The following NKAIN2 variants were observed in gnomAD, a reference collection of about 807,000 sequenced individuals.
NKAIN2 encodes the protein sodium/potassium transporting ATPase interacting 2.
A neutral mutation model predicts 32.6 loss-of-function variants in NKAIN2; 14 were observed. The observed-to-expected ratio is 0.43, with a 90% CI of 0.28 to 0.67. NKAIN2 has a LOEUF of 0.67. Among genes scored for constraint, NKAIN2 ranks in the 30% least tolerant of loss-of-function variants. The pLI is 0.17. For missense variants in NKAIN2, 198 were observed against 258.3 expected, an observed-to-expected ratio of 0.77 and a Z score of 1.60; for synonymous variants, 80 against 87.2, an observed-to-expected ratio of 0.92 and a Z score of 0.46.
At chr6:124,001,898 GTTAA>G (rs1180359209) in intron 1 of NKAIN2, among the ~76,000 whole-genome samples, 24 of 150,032 alleles carry the variant, frequency 1.6e-4, no homozygotes, top group Non-Finnish European at 2.8e-4. Context: ...TTTGCCATGC[GTTAA>G]TTATCATAAT....
At chr6:124,000,528 A>T (rs1282332577) in intron 1 of NKAIN2, among the ~76,000 whole-genome samples, 1 of 152,130 alleles carries the variant, frequency 6.6e-6, no homozygotes, top group African/African-American at 2.4e-5. Flanking sequence ...TATAAATTTC[A>T]TGAAGCCGGA....
intron 1 of NKAIN2, among the ~76,000 whole-genome samples, chr6:124,168,172 A>C (rs1490191358): frequency 1.3e-5 from 2 of 152,162 alleles, no homozygotes; most frequent in Admixed American, 6.6e-5. Context: ...GCACAAGTTC[A>C]TATTACATCA....
At chr6:124,405,207 T>G (rs1583197000) in intron 3 of NKAIN2, among the ~76,000 whole-genome samples, 1 of 152,200 alleles carries the variant, frequency 6.6e-6, no homozygotes, top group South Asian at 2.1e-4. Flanking sequence ...ACTAAGTTTT[T>G]GCAAATATGT....
At chr6:124,656,776 A>T (rs1481881394) in intron 3 of NKAIN2, among the ~76,000 whole-genome samples, 1 of 152,130 alleles carries the variant, frequency 6.6e-6, no homozygotes, top group African/African-American at 2.4e-5. Context: ...ATGACAGCCC[A>T]CATCTGCTAC....
At chr6:124,247,895 A>G (rs1054378075) in intron 1 of NKAIN2, among the ~76,000 whole-genome samples, 4 of 152,052 alleles carry the variant, frequency 2.6e-5, no homozygotes, top group Admixed American at 6.6e-5. Context: ...TATACCATTA[A>G]TTGTATTTAA....
chr6:124,765,645 C>T (rs546511422), intron 4 of NKAIN2, among the ~76,000 whole-genome samples: 3 of 152,326 alleles, frequency 2.0e-5, no homozygotes, highest in African/African-American at 7.2e-5. Context: ...AGAATAAGAA[C>T]ATGCACAAGC....
intron 1 of NKAIN2, among the ~76,000 whole-genome samples, chr6:123,855,478 C>T (rs1582658450): frequency 6.6e-6 from 1 of 150,554 alleles, no homozygotes; most frequent in South Asian, 2.1e-4. Flanking sequence ...GCAAATTGAC[C>T]CAGAAGTGAT....
chr6:124,472,506 AC>A (rs1365264109), intron 3 of NKAIN2, among the ~76,000 whole-genome samples: 1 of 152,070 alleles, frequency 6.6e-6, no homozygotes, highest in African/African-American at 2.4e-5. Flanking sequence ...CACACATAGA[AC>A]AAGAGCATCT....
At chr6:124,629,267 A>G (rs1019907077) in intron 3 of NKAIN2, among the ~76,000 whole-genome samples, 3 of 152,300 alleles carry the variant, frequency 2.0e-5, no homozygotes, top group Non-Finnish European at 4.4e-5. Context: ...GAAGTGAACC[A>G]GGACAGTCCT....
intron 3 of NKAIN2, among the ~76,000 whole-genome samples, chr6:124,587,394 A>AT (rs1781749639): frequency 6.6e-6 from 1 of 151,678 alleles, no homozygotes; most frequent in Non-Finnish European, 1.5e-5. Flanking sequence ...TAATTTTTGT[A>AT]TTTTTAGTAG....
chr6:124,448,798 T>G (rs1286675336), intron 3 of NKAIN2, among the ~76,000 whole-genome samples: 1 of 152,146 alleles, frequency 6.6e-6, no homozygotes, highest in Non-Finnish European at 1.5e-5. Context: ...AAATGTCAGC[T>G]AATTCTGCCT....
At chr6:123,879,505 C>G (rs55758898) in intron 1 of NKAIN2, among the ~76,000 whole-genome samples, 3,442 of 152,208 alleles carry the variant, frequency 0.023, 127 homozygotes, top group African/African-American at 0.078. Flanking sequence ...AATTAGTGCT[C>G]CAGGTTATTG....
At chr6:124,210,459 G>T (rs965044897) in intron 1 of NKAIN2, among the ~76,000 whole-genome samples, 3 of 151,532 alleles carry the variant, frequency 2.0e-5, no homozygotes, top group African/African-American at 7.3e-5. Flanking sequence ...TTCTATTTCT[G>T]TGAAGAATGT....
chr6:124,647,485 C>T (rs150534983), intron 3 of NKAIN2, among the ~76,000 whole-genome samples: 1,161 of 108,368 alleles, frequency 0.011, 25 homozygotes, highest in African/African-American at 0.041. Flanking sequence ...GGCGACAGAG[C>T]GAGACTCTGT....
chr6:124,714,574 C>A (rs9375362), intron 4 of NKAIN2, among the ~76,000 whole-genome samples: 64,114 of 151,988 alleles, frequency 0.42, 13,736 homozygotes, highest in African/African-American at 0.46. Context: ...CTACTTATTA[C>A]GGGCTACACA....
chr6:123,981,750 C>T (rs144072623), intron 1 of NKAIN2, among the ~76,000 whole-genome samples: 2 of 151,902 alleles, frequency 1.3e-5, no homozygotes, highest in African/African-American at 2.4e-5. Context: ...GAGAGAGCAC[C>T]GAATTCAATG....
Position 124,116,232 on chromosome 6 carries a change from C to T in NKAIN2, c.55-166773C>T, listed in dbSNP as rs143513056. Among the ~76,000 whole-genome samples, 800 of 152,096 alleles carry T rather than the reference C, an allele frequency of 5.3e-3. 4 individuals carry two copies. The highest frequency in any genetic ancestry group is 0.027 in the South Asian group (128 of 4,824). On this transcript the variant is annotated intron_variant, in intron 1 of 6. Coordinates refer to ENST00000368417, the MANE Select transcript of NKAIN2 (RefSeq NM_001040214.3). ...GAATATGTTAGAGATACCATGTATC[C>T]TAATTACTCCACCTGGGGTTCCTTC...
At chr6:124,522,196 T>A (rs368665844) in intron 3 of NKAIN2, among the ~76,000 whole-genome samples, 1 of 152,308 alleles carries the variant, frequency 6.6e-6, no homozygotes, top group East Asian at 1.9e-4. Flanking sequence ...GCCACTAACA[T>A]ATATCTGTAA....
chr6:124,274,886 G>A (rs1192872263), intron 1 of NKAIN2, among the ~76,000 whole-genome samples: 1 of 151,874 alleles, frequency 6.6e-6, no homozygotes, highest in Non-Finnish European at 1.5e-5. Flanking sequence ...TTGCGATTAG[G>A]CATACACACA....
Sources: allele counts gnomAD v4.1 joint callset (sites outside exome capture counted in the v4.1 genomes callset), GRCh38; gene constraint gnomAD v4.1.1; transcripts MANE v1.5; gene names NCBI Gene and HGNC (gene_info 2026-07-23, HGNC 2026-07-21).